Variants in NPY2R observed in about 807,000 individuals in gnomAD.
NPY2R encodes the protein neuropeptide Y receptor Y2.
NPY2R carries 17 observed loss-of-function variants against 22.3 expected under a neutral mutation model. The ratio of observed to expected loss-of-function variants is 0.76; its 90% CI spans 0.52 to 1.14. The LOEUF (loss-of-function observed/expected upper bound fraction) is 1.14, where lower values mean the gene tolerates loss of function less well. NPY2R is among the 50% of genes most tolerant of loss of function. NPY2R has a pLI of 0.00. For synonymous variants in NPY2R, 209 were observed against 183.4 expected, an observed-to-expected ratio of 1.14 and a Z score of -1.13; for missense variants, 424 against 467.9, an observed-to-expected ratio of 0.91 and a Z score of 0.87.
upstream of NPY2R, chr4:155,207,942 G>A (rs1353503262): frequency 6.6e-6 from 1 of 152,276 alleles, no homozygotes; most frequent in Non-Finnish European, 1.5e-5. Flanking sequence ...GTCTGAATCT[G>A]CACTACTCAA....
At position 155,214,964 on chromosome 4, in the gene NPY2R, G is replaced by A. The variant is rs766300700; in HGVS notation, c.1025G>A (p.Cys342Tyr). ...AAGGCTTTCCTCTCGGCCTTCCGCT[G>A]TGAGCAGCGGTTGGATGCCATTCAC... ...YRKAFLSAFR[C>Y]EQRLDAIHSE... The change falls in exon 2 of 2, where the codon TGT becomes TAT. Residue 342 changes from cysteine (C) to tyrosine (Y), a missense_variant. Transcript: ENST00000329476. 1 of 1,614,242 alleles carries A rather than the reference G, an allele frequency of 6.2e-7. No homozygotes were observed.
intron 1 of NPY2R, among the ~76,000 whole-genome samples, chr4:155,210,485 T>C (rs754411144): frequency 3.9e-5 from 6 of 152,216 alleles, no homozygotes; most frequent in Admixed American, 2.0e-4. Flanking sequence ...CTCCAGCCTC[T>C]TGGAGTCTCT....
In NPY2R at chr4:155,215,001, C is replaced by T. The variant is rs758076080; in HGVS notation, c.1062C>T (p.Ser354=). The T allele has an allele frequency of 1.6e-5, 26 of 1,613,988 alleles. No individual in the cohort carries two copies. Among genetic ancestry groups the T allele is most frequent in the Non-Finnish European group, 2.1e-5 (25 of 1,180,006 alleles). Residue 354 remains serine (S), a synonymous_variant, in exon 2 of 2, where the codon TCC becomes TCT. Coordinates refer to ENST00000329476, the MANE Select transcript of NPY2R (RefSeq NM_000910.4). The stretch of plus-strand genomic sequence containing the variant: ...TGGATGCCATTCACTCTGAGGTGTC[C>T]GTGACATTCAAGGCTAAAAAGAACC... ...QRLDAIHSEV[S]VTFKAKKNLE... is the part of the protein sequence containing the mutation.
the NPY2R span, among the ~76,000 whole-genome samples, chr4:155,202,309 T>A: frequency 2.0e-5 from 3 of 152,088 alleles, no homozygotes; most frequent in Non-Finnish European, 4.4e-5. Flanking sequence ...CAAAAACAAA[T>A]GACCATTCCT....
the NPY2R span, among the ~76,000 whole-genome samples, chr4:155,178,712 GAATA>G: frequency 6.6e-6 from 1 of 152,170 alleles, no homozygotes; most frequent in African/African-American, 2.4e-5. Flanking sequence ...TGTCAAATCT[GAATA>G]AATAGAATGC....
chr4:155,201,049 AC>A, the NPY2R span, among the ~76,000 whole-genome samples: 44,596 of 151,916 alleles, frequency 0.29, 6,921 homozygotes, highest in East Asian at 0.52. Context: ...ATATAAAACT[AC>A]AAATGCAAAC....
Position 155,213,919 on chromosome 4 carries a change from C to A in NPY2R, c.-21C>A, listed in dbSNP as rs1729454947. On this transcript the variant is annotated 5_prime_UTR_variant, in exon 2 of 2. Coordinates refer to ENST00000329476, the MANE Select transcript of NPY2R (RefSeq NM_000910.4). ...TGTAGACTCTTGTGCTGGTTGCAGG[C>A]CAAGTGGACCTGTACTGAAAATGGG... 2 of 1,607,318 alleles carry A rather than the reference C, an allele frequency of 1.2e-6. No homozygotes were observed. Among genetic ancestry groups the A allele is most frequent in the African/African-American group, 1.3e-5 (1 of 74,706 alleles).
the NPY2R span, among the ~76,000 whole-genome samples, chr4:155,202,013 T>TACTC: frequency 6.6e-6 from 1 of 152,180 alleles, no homozygotes; most frequent in Non-Finnish European, 1.5e-5. Flanking sequence ...CTTTGACATA[T>TACTC]ACTCACTATA....
the NPY2R span, chr4:155,174,401 G>A: frequency 9.5e-5 from 14 of 147,904 alleles, no homozygotes; most frequent in Non-Finnish European, 1.5e-4. Context: ...GGTCTCCTAG[G>A]CATTAAGTGA....
the NPY2R span, among the ~76,000 whole-genome samples, chr4:155,178,570 AC>A: frequency 6.6e-6 from 1 of 152,156 alleles, no homozygotes; most frequent in East Asian, 1.9e-4. Context: ...TACTTGTTCT[AC>A]AAGTACTGAG....
At chr4:155,196,663 G>T in the NPY2R span, among the ~76,000 whole-genome samples, 3 of 152,020 alleles carry the variant, frequency 2.0e-5, no homozygotes, top group East Asian at 3.9e-4. Flanking sequence ...AATAGGGAAG[G>T]TGTGCAGGTG....
rs1729493789 is a variant in NPY2R, at chr4:155,215,321, AT to A, written c.*238del. 1 of 602,980 alleles carries A rather than the reference AT, an allele frequency of 1.7e-6. No homozygotes were observed. The allele number at this position is 602,980 out of a possible 1,614,324, so 37.4% of individuals were successfully genotyped here. A position where few individuals can be genotyped will look rare whatever the true frequency, so the allele number is the denominator to read the frequency against. ...AACAGTTGGTTGGGTAGTAGGTTGC[AT>A]TATGAGTAAAAGCAGAGAGAAGTAC... On this transcript the variant is annotated 3_prime_UTR_variant, in exon 2 of 2. Transcript: ENST00000329476.
At chr4:155,194,844 T>C in the NPY2R span, among the ~76,000 whole-genome samples, 1 of 151,974 alleles carries the variant, frequency 6.6e-6, no homozygotes, top group South Asian at 2.1e-4. Flanking sequence ...CAATTTACAT[T>C]TCCACCAACA....
the NPY2R span, among the ~76,000 whole-genome samples, chr4:155,185,899 G>GTTTT: frequency 6.6e-6 from 1 of 151,242 alleles, no homozygotes; most frequent in Non-Finnish European, 1.5e-5. Context: ...AGTGAAATGT[G>GTTTT]TTTTTTTTGG....
chr4:155,197,440 C>T, the NPY2R span, among the ~76,000 whole-genome samples: 3 of 151,966 alleles, frequency 2.0e-5, no homozygotes, highest in Admixed American at 6.6e-5. Flanking sequence ...TTCCTTCCTT[C>T]CTTCTTTCCT....
At chr4:155,202,773 A>G in the NPY2R span, among the ~76,000 whole-genome samples, 1 of 152,102 alleles carries the variant, frequency 6.6e-6, no homozygotes, top group Non-Finnish European at 1.5e-5. Context: ...TAAAACTTAA[A>G]TTTGTTTTCA....
the NPY2R span, among the ~76,000 whole-genome samples, chr4:155,184,230 T>TAC: frequency 6.7e-6 from 1 of 149,154 alleles, no homozygotes; most frequent in East Asian, 2.0e-4. Context: ...CCTCAAACAA[T>TAC]TTCTCCTTTC....
At chr4:155,196,374 T>C in the NPY2R span, among the ~76,000 whole-genome samples, 9 of 151,888 alleles carry the variant, frequency 5.9e-5, no homozygotes, top group Non-Finnish European at 1.3e-4. Flanking sequence ...GAAGGAGTCA[T>C]CAGTGATGGC....
Position 155,215,230 on chromosome 4 carries a change from A to G in NPY2R, c.*145A>G. ...GCATCTGCTGTTTAATTCCTGGAAA[A>G]CTGGCTGGGCAGAGCCTGTGTGAAA... is the stretch of plus-strand genomic sequence containing the variant. On this transcript the variant is annotated 3_prime_UTR_variant, in exon 2 of 2. Transcript: ENST00000329476. The G allele has an allele frequency of 1.2e-6, 1 of 830,824 alleles. No homozygotes were observed. The highest frequency in any genetic ancestry group is 1.5e-5 in the South Asian group (1 of 68,802). The allele number at this position is 830,824 out of a possible 1,614,324, so 51.5% of individuals were successfully genotyped here. A position where few individuals can be genotyped will look rare whatever the true frequency, so the allele number is the denominator to read the frequency against.
Sources: gnomAD v4.1 joint callset for allele counts (sites outside exome capture counted in the v4.1 genomes callset) on GRCh38, gnomAD v4.1.1 for gene constraint, MANE v1.5 for transcripts, NCBI Gene and HGNC (gene_info 2026-07-23, HGNC 2026-07-21) for gene names.